The following SMAD2 variants were observed in gnomAD, a reference collection of about 807,000 sequenced individuals.
SMAD2 encodes the protein SMAD family member 2.
In SMAD2, 8 loss-of-function variants were observed where a neutral mutation model predicts 64.4. The observed-to-expected ratio is 0.12, with a 90% CI of 0.07 to 0.22. The LOEUF (loss-of-function observed/expected upper bound fraction) is 0.22. Ranked by LOEUF, SMAD2 falls within the 10% of genes least tolerant of loss-of-function variation. The pLI is 1.00. For synonymous variants in SMAD2, 203 were observed against 195.8 expected, an observed-to-expected ratio of 1.04 and a Z score of -0.31; for missense variants, 289 against 561.2, an observed-to-expected ratio of 0.51 and a Z score of 4.90.
chr18:47,896,478 C>A (rs760158073), intron 2 of SMAD2, 43 bp downstream of exon 2: 2 of 1,598,502 alleles, frequency 1.3e-6, no homozygotes, highest in Non-Finnish European at 1.7e-6. Flanking sequence ...CCTTCAGATT[C>A]CTTGACATAA....
intron 2 of SMAD2, among the ~76,000 whole-genome samples, chr18:47,871,995 T>C (rs1038013277): frequency 6.6e-6 from 1 of 152,220 alleles, no homozygotes; most frequent in African/African-American, 2.4e-5. Context: ...CAAGTTATTC[T>C]GGGACTCACA....
At chr18:47,899,952 T>C (rs750541504) in intron 1 of SMAD2, among the ~76,000 whole-genome samples, 22 of 152,132 alleles carry the variant, frequency 1.4e-4, no homozygotes, top group Admixed American at 6.6e-5. Context: ...CTGAAGCCAA[T>C]TGGCCAGGTT....
rs990194234 is a variant in SMAD2 at position 47,822,702 on chromosome 18, C to G, written c.*19125G>C. On this transcript the variant is annotated 3_prime_UTR_variant, in exon 11 of 11. Transcript: ENST00000262160. ...TATTCATTTGTTTTTGTTTTTGAGA[C>G]GGAGTCTCGCTCTGTTGCCCCAGCT... 1 of 152,192 alleles carries G rather than the reference C, an allele frequency of 6.6e-6. No individual in the cohort carries two copies. Among genetic ancestry groups the G allele is most frequent in the Non-Finnish European group, 1.5e-5 (1 of 68,040 alleles). 9.4% of individuals were successfully genotyped at this position (152,192 alleles called of 1,614,324 possible).
At chr18:47,872,675 A>G (rs887296361) in intron 2 of SMAD2, among the ~76,000 whole-genome samples, 1 of 152,074 alleles carries the variant, frequency 6.6e-6, no homozygotes, top group Non-Finnish European at 1.5e-5. Context: ...TTCTCATAGG[A>G]GCAAGAACCC....
At chr18:47,843,146 C>A (rs1914135011) in intron 10 of SMAD2, among the ~76,000 whole-genome samples, 1 of 152,146 alleles carries the variant, frequency 6.6e-6, no homozygotes, top group Admixed American at 6.6e-5. Flanking sequence ...CATTTCTGTG[C>A]CCAGGAACTT....
At chr18:47,923,556 T>C (rs996611182) in intron 1 of SMAD2, 6 of 152,224 alleles carry the variant, frequency 3.9e-5, no homozygotes, top group African/African-American at 1.4e-4. Flanking sequence ...CACATGTGGC[T>C]GGCAGCTACC....
At position 47,870,260 on chromosome 18, in the gene SMAD2, A is replaced by C. The variant is rs73443904; in HGVS notation, c.326+215T>G. On this transcript the variant is annotated intron_variant, in intron 3 of 10. Coordinates refer to ENST00000262160, the MANE Select transcript of SMAD2 (RefSeq NM_005901.6). ...TTCTTTAGGGGATACAGTAATTTAAAGAAGATTCAAACTAGAATTGCATTG... is the reference window on the plus strand; with the variant it reads ...TTCTTTAGGGGATACAGTAATTTAACGAAGATTCAAACTAGAATTGCATTG... Among the ~76,000 whole-genome samples the C allele has an allele frequency of 3.6e-3, 544 of 152,322 alleles. 4 individuals are homozygous for C. Among genetic ancestry groups the C allele is most frequent in the African/African-American group, 0.013 (529 of 41,564 alleles).
chr18:47,924,095 A>T (rs939779243), intron 1 of SMAD2, among the ~76,000 whole-genome samples: 7 of 151,990 alleles, frequency 4.6e-5, no homozygotes, highest in African/African-American at 1.7e-4. Context: ...TTAAAAATAC[A>T]AAATTAGCCG....
At chr18:47,896,856 A>G (rs1374889500) in intron 1 of SMAD2, 47 bp from the exon 2 acceptor site, 1 of 1,502,214 alleles carries the variant, frequency 6.7e-7, no homozygotes, top group Non-Finnish European at 9.0e-7. Flanking sequence ...CTTGAACATC[A>G]AGTAATAATT....
At chr18:47,872,815 T>C (rs1298066426) in intron 2 of SMAD2, among the ~76,000 whole-genome samples, 1 of 152,142 alleles carries the variant, frequency 6.6e-6, no homozygotes, top group Non-Finnish European at 1.5e-5. Context: ...AGTGGAAAAC[T>C]TGCCTTTCAT....
Position 47,902,030 on chromosome 18 carries a change from T to C in SMAD2, c.-53-5221A>G, listed in dbSNP as rs144221867. ...CTCAACACCATAGGACTAGAAAATA[T>C]CCCAATCTCCTTTTCTGAGATTTTG... On this transcript the variant is annotated intron_variant, in intron 1 of 10. Coordinates refer to ENST00000262160, the MANE Select transcript of SMAD2 (RefSeq NM_005901.6). 3.5e-4 allele frequency among the ~76,000 whole-genome samples: 54 copies of C among 152,264 alleles called. No homozygotes were observed. The East Asian group carries it at 0.01, about 29-fold the overall frequency.
At chr18:47,911,920 G>C (rs1422286587) in intron 1 of SMAD2, among the ~76,000 whole-genome samples, 2 of 152,162 alleles carry the variant, frequency 1.3e-5, no homozygotes, top group Non-Finnish European at 2.9e-5. Context: ...GGCTACCTTT[G>C]GCCCCTGTTG....
At chr18:47,894,911 T>C (rs1476153195) in intron 2 of SMAD2, among the ~76,000 whole-genome samples, 2 of 152,136 alleles carry the variant, frequency 1.3e-5, no homozygotes, top group Non-Finnish European at 2.9e-5. Context: ...CACCAGGAAG[T>C]CCTCAGTTCC....
intron 8 of SMAD2, among the ~76,000 whole-genome samples, chr18:47,846,280 C>A (rs1331597260): frequency 6.6e-6 from 1 of 151,948 alleles, no homozygotes; most frequent in Non-Finnish European, 1.5e-5. Flanking sequence ...GATGTATAAG[C>A]ATGATTAGGT....
chr18:47,888,307 A>T (rs777538051), intron 2 of SMAD2, among the ~76,000 whole-genome samples: 9 of 152,208 alleles, frequency 5.9e-5, no homozygotes, highest in Non-Finnish European at 8.8e-5. Context: ...ACAAATGCCT[A>T]TCACTTCCTC....
chr18:47,895,028 T>C (rs1341684381), intron 2 of SMAD2, among the ~76,000 whole-genome samples: 2 of 152,154 alleles, frequency 1.3e-5, no homozygotes, highest in East Asian at 3.8e-4. Flanking sequence ...CCTCCTAATT[T>C]TCCTGCTTCC....
chr18:47,916,410 ATTTTG>A (rs540473126), intron 1 of SMAD2, among the ~76,000 whole-genome samples: 242 of 135,498 alleles, frequency 1.8e-3, no homozygotes, highest in African/African-American at 3.9e-3. Flanking sequence ...TTATTTATTT[ATTTTG>A]TTTTGTTTTG....
At chr18:47,919,508 ACACACACACAC>A (rs1598897286) in intron 1 of SMAD2, among the ~76,000 whole-genome samples, 3 of 144,456 alleles carry the variant, frequency 2.1e-5, no homozygotes, top group Admixed American at 1.6e-4. Context: ...ACACACACAC[ACACACACACAC>A]AAAGAATAGG....
In SMAD2 at chr18:47,820,209, A is replaced by C. The variant is rs1480883504; in HGVS notation, c.*21618T>G. Reference sequence around the variant, plus strand: ...AATATATTTGGGCCTATTAATATACAAAGTTATAAGGAAACATGTTTCTAA... The same window carrying C: ...AATATATTTGGGCCTATTAATATACCAAGTTATAAGGAAACATGTTTCTAA... On this transcript the variant is annotated 3_prime_UTR_variant, in exon 11 of 11. Transcript: ENST00000262160. 1.3e-5 allele frequency: 2 copies of C among 152,228 alleles called. No individual in the cohort carries two copies. Among genetic ancestry groups the C allele is most frequent in the Non-Finnish European group, 2.9e-5 (2 of 68,040 alleles). The allele number at this position is 152,228 out of a possible 1,614,324, so 9.4% of individuals were successfully genotyped here. A position where few individuals can be genotyped will look rare whatever the true frequency, so the allele number is the denominator to read the frequency against.
Sources: allele counts gnomAD v4.1 joint callset (sites outside exome capture counted in the v4.1 genomes callset), GRCh38; gene constraint gnomAD v4.1.1; transcripts MANE v1.5; gene names NCBI Gene and HGNC (gene_info 2026-07-23, HGNC 2026-07-21).